The following DSCAM variants were observed in gnomAD, a reference collection of about 807,000 sequenced individuals.
The protein encoded by DSCAM is cell adhesion molecule DSCAM.
In DSCAM, 47 loss-of-function variants were observed where a neutral mutation model predicts 217.7. That is an observed-to-expected ratio of 0.22 (90% confidence interval 0.17 to 0.28). The LOEUF is 0.28. DSCAM is among the 10% of genes least tolerant of loss of function. DSCAM has a pLI of 1.00. For synonymous variants in DSCAM, 1,056 were observed against 1,015.3 expected (o/e 1.04, Z -0.76); for missense variants, 2,080 against 2,618.3 (o/e 0.79, Z 4.49).
intron 1 of DSCAM, among the ~76,000 whole-genome samples, chr21:40,776,545 G>C (rs1436303700): frequency 6.6e-6 from 1 of 152,186 alleles, no homozygotes; most frequent in Non-Finnish European, 1.5e-5. Flanking sequence ...GTGAGGGCCA[G>C]AGGAAGGAGA....
At chr21:40,546,375 A>G (rs1396291306) in intron 3 of DSCAM, among the ~76,000 whole-genome samples, 5 of 152,220 alleles carry the variant, frequency 3.3e-5, no homozygotes, top group African/African-American at 1.2e-4. Flanking sequence ...CTCTGGCCCA[A>G]AGCAAACGGC....
intron 3 of DSCAM, among the ~76,000 whole-genome samples, chr21:40,680,696 A>G (rs1322958108): frequency 6.6e-6 from 1 of 152,214 alleles, no homozygotes; most frequent in East Asian, 1.9e-4. Flanking sequence ...CAGCAGCATC[A>G]TTGTATTTTC....
At chr21:40,645,069 C>G (rs1334782103) in intron 3 of DSCAM, among the ~76,000 whole-genome samples, 3 of 152,196 alleles carry the variant, frequency 2.0e-5, no homozygotes, top group African/African-American at 7.2e-5. Flanking sequence ...GGCTGCCAAT[C>G]TAGGACACTT....
chr21:40,354,677 G>A (rs1473180867), intron 4 of DSCAM, among the ~76,000 whole-genome samples: 3 of 151,818 alleles, frequency 2.0e-5, no homozygotes, highest in African/African-American at 7.3e-5. Flanking sequence ...GTGAAACCCC[G>A]TCTCTACTAA....
At chr21:40,175,643 C>G (rs1027139325) in intron 15 of DSCAM, among the ~76,000 whole-genome samples, 8 of 152,144 alleles carry the variant, frequency 5.3e-5, no homozygotes, top group African/African-American at 1.7e-4. Flanking sequence ...CTAAAGGCCC[C>G]ACTTCTTAAT....
chr21:40,236,297 A>G (rs1486683791), intron 11 of DSCAM, among the ~76,000 whole-genome samples: 1 of 152,192 alleles, frequency 6.6e-6, no homozygotes, highest in Non-Finnish European at 1.5e-5. Context: ...AAGTCAAAAT[A>G]TGCTTCTCAA....
intron 3 of DSCAM, among the ~76,000 whole-genome samples, chr21:40,375,884 A>G (rs1047474066): frequency 1.3e-5 from 2 of 152,246 alleles, no homozygotes; most frequent in Non-Finnish European, 2.9e-5. Context: ...GCATAAAAAG[A>G]GTTTGTTCTC....
At chr21:40,619,869 G>T (rs899089296) in intron 3 of DSCAM, among the ~76,000 whole-genome samples, 6 of 148,346 alleles carry the variant, frequency 4.0e-5, no homozygotes, top group African/African-American at 1.5e-4. Context: ...CAACATATTA[G>T]TAATTAAGGT....
At chr21:40,679,340 C>T (rs2090374869) in intron 3 of DSCAM, among the ~76,000 whole-genome samples, 1 of 152,160 alleles carries the variant, frequency 6.6e-6, no homozygotes. Context: ...TTTGTTGGCT[C>T]TTATGCACGT....
At chr21:40,018,122 C>T (rs1310785208) in intron 32 of DSCAM, among the ~76,000 whole-genome samples, 1 of 152,106 alleles carries the variant, frequency 6.6e-6, no homozygotes, top group Admixed American at 6.5e-5. Flanking sequence ...CTTCTCTAAC[C>T]AGGGATTATT....
chr21:40,356,095 A>G (rs1186555720), intron 4 of DSCAM, among the ~76,000 whole-genome samples: 1 of 152,176 alleles, frequency 6.6e-6, no homozygotes, highest in Non-Finnish European at 1.5e-5. Context: ...TGATTCTGCA[A>G]TAAACATGGG....
chr21:40,499,212 T>G (rs1234455531), intron 3 of DSCAM, among the ~76,000 whole-genome samples: 1 of 152,160 alleles, frequency 6.6e-6, no homozygotes, highest in Non-Finnish European at 1.5e-5. Flanking sequence ...TTTTATCTGT[T>G]TATGTGGTCA....
At chr21:40,078,271 C>T (rs910936950) in intron 26 of DSCAM, among the ~76,000 whole-genome samples, 2 of 152,088 alleles carry the variant, frequency 1.3e-5, no homozygotes, top group Non-Finnish European at 2.9e-5. Context: ...ATTGTTTTTG[C>T]ACATGCAGTT....
At chr21:40,681,640 C>T (rs2090401999) in intron 3 of DSCAM, among the ~76,000 whole-genome samples, 2 of 152,054 alleles carry the variant, frequency 1.3e-5, no homozygotes, top group Admixed American at 1.3e-4. Context: ...ATAGCTTCCC[C>T]CAAAAATGTC....
At chr21:40,236,595 C>T (rs1347034129) in intron 11 of DSCAM, among the ~76,000 whole-genome samples, 1 of 152,176 alleles carries the variant, frequency 6.6e-6, no homozygotes, top group African/African-American at 2.4e-5. Context: ...AGGGGTCAGG[C>T]TGCCCAGACT....
chr21:40,366,311 C>G (rs375910024), intron 4 of DSCAM, among the ~76,000 whole-genome samples: 3 of 152,032 alleles, frequency 2.0e-5, no homozygotes, highest in African/African-American at 7.2e-5. Context: ...TGTCAGACAT[C>G]TATACATTTT....
intron 1 of DSCAM, among the ~76,000 whole-genome samples, chr21:40,758,680 G>T (rs144228976): frequency 1.2e-4 from 19 of 152,166 alleles, no homozygotes; most frequent in African/African-American, 4.6e-4. Context: ...TTTGTCATCA[G>T]CTGCTTGCTT....
intron 3 of DSCAM, among the ~76,000 whole-genome samples, chr21:40,649,519 T>A (rs536986930): frequency 6.6e-6 from 1 of 152,222 alleles, no homozygotes; most frequent in Non-Finnish European, 1.5e-5. Context: ...CCACATTGTT[T>A]TATGCTGGCT....
At chr21:40,559,786 C>CTTTTTTTTTT (rs548599799) in intron 3 of DSCAM, among the ~76,000 whole-genome samples, 5 of 109,410 alleles carry the variant, frequency 4.6e-5, no homozygotes, top group Non-Finnish European at 7.3e-5. Context: ...AATTTTCTGT[C>CTTTTTTTTTT]TTTTTTTTTT....
Sources: gnomAD v4.1 joint callset for allele counts (sites outside exome capture counted in the v4.1 genomes callset) on GRCh38, gnomAD v4.1.1 for gene constraint, MANE v1.5 for transcripts, NCBI Gene and HGNC (gene_info 2026-07-23, HGNC 2026-07-21) for gene names.